EPC2: variants seen among roughly 807,000 people sequenced by gnomAD.
EPC2 encodes the protein enhancer of polycomb homolog 2.
EPC2 carries 14 observed loss-of-function variants against 92.1 expected under a neutral mutation model. The observed-to-expected ratio is 0.15, with a 90% confidence interval of 0.10 to 0.24. EPC2 has a LOEUF of 0.24. Ranked by LOEUF, EPC2 falls within the 10% of genes least tolerant of loss-of-function variation. The pLI is 1.00. For missense variants in EPC2, 755 were observed against 971.5 expected, an observed-to-expected ratio of 0.78 and a Z score of 2.96; for synonymous variants, 340 against 334.7, an observed-to-expected ratio of 1.02 and a Z score of -0.17.
chr2:148,773,617 AT>A (rs1462347263), intron 10 of EPC2, among the ~76,000 whole-genome samples: 1 of 152,070 alleles, frequency 6.6e-6, no homozygotes. Context: ...GGACCACAAG[AT>A]TTTTTGTTTT....
At chr2:148,733,417 A>G (rs1682684992) in intron 2 of EPC2, among the ~76,000 whole-genome samples, 1 of 139,126 alleles carries the variant, frequency 7.2e-6, no homozygotes, top group South Asian at 2.3e-4. Context: ...TCTATCACAT[A>G]TTCTTCTCCT....
intron 1 of EPC2, among the ~76,000 whole-genome samples, chr2:148,684,726 T>A (rs1681479404): frequency 6.6e-6 from 1 of 152,220 alleles, no homozygotes; most frequent in South Asian, 2.1e-4. Context: ...CCTACTTACA[T>A]ACCTGCGTGA....
chr2:148,682,069 G>A (rs1442513112), intron 1 of EPC2, among the ~76,000 whole-genome samples: 2 of 152,176 alleles, frequency 1.3e-5, no homozygotes, highest in Admixed American at 6.5e-5. Context: ...TTTTATGGCT[G>A]CGTAGTATTC....
chr2:148,773,822 A>G (rs922137493), intron 10 of EPC2, among the ~76,000 whole-genome samples: 1 of 152,128 alleles, frequency 6.6e-6, no homozygotes, highest in African/African-American at 2.4e-5. Context: ...ATGAATGTGG[A>G]TAGGAATTTC....
intron 2 of EPC2, among the ~76,000 whole-genome samples, chr2:148,708,471 G>A (rs1682057569): frequency 6.6e-6 from 1 of 152,096 alleles, no homozygotes; most frequent in African/African-American, 2.4e-5. Context: ...AGGAAAAGAG[G>A]GAATCCTCTC....
At chr2:148,716,477 A>T (rs1214816662) in intron 2 of EPC2, among the ~76,000 whole-genome samples, 1 of 152,166 alleles carries the variant, frequency 6.6e-6, no homozygotes, top group Non-Finnish European at 1.5e-5. Context: ...ATCTGTTGAG[A>T]TAATCATGTA....
chr2:148,720,465 G>C (rs1278367995), intron 2 of EPC2, among the ~76,000 whole-genome samples: 2 of 152,184 alleles, frequency 1.3e-5, no homozygotes, highest in South Asian at 2.1e-4. Flanking sequence ...CCCCTCTCGG[G>C]GGGTATATGT....
chr2:148,658,573 T>G (rs1031927817), intron 1 of EPC2, among the ~76,000 whole-genome samples: 1 of 148,580 alleles, frequency 6.7e-6, no homozygotes, highest in African/African-American at 2.5e-5. Flanking sequence ...AATAGGGAAT[T>G]TGCAAGTAAT....
At chr2:148,759,473 A>T (rs1430477959) in intron 4 of EPC2, among the ~76,000 whole-genome samples, 1 of 152,246 alleles carries the variant, frequency 6.6e-6, no homozygotes, top group African/African-American at 2.4e-5. Flanking sequence ...TGTAAAGGAC[A>T]TTAGTGGGAC....
chr2:148,649,647 G>A (rs1170638686), intron 1 of EPC2, among the ~76,000 whole-genome samples: 1 of 152,080 alleles, frequency 6.6e-6, no homozygotes, highest in African/African-American at 2.4e-5. Context: ...TACCATTTCT[G>A]TTTTATAGAG....
intron 1 of EPC2, among the ~76,000 whole-genome samples, chr2:148,672,152 A>G (rs1681167097): frequency 6.6e-6 from 1 of 152,154 alleles, no homozygotes; most frequent in Non-Finnish European, 1.5e-5. Flanking sequence ...CTTAAAAGTA[A>G]GTCTTATAAT....
chr2:148,732,381 C>CTTT (rs752780229), intron 2 of EPC2, among the ~76,000 whole-genome samples: 1,711 of 132,900 alleles, frequency 0.013, 37 homozygotes, highest in African/African-American at 0.035. Flanking sequence ...TTATTTTTGT[C>CTTT]TTTTTTTTTT....
intron 1 of EPC2, among the ~76,000 whole-genome samples, chr2:148,672,206 C>T (rs993087161): frequency 6.6e-6 from 1 of 152,018 alleles, no homozygotes; most frequent in Non-Finnish European, 1.5e-5. Flanking sequence ...CTTTATGTAT[C>T]TTTATGTCTT....
intron 1 of EPC2, among the ~76,000 whole-genome samples, chr2:148,664,561 G>T (rs927793464): frequency 1.3e-5 from 2 of 152,154 alleles, no homozygotes; most frequent in African/African-American, 4.8e-5. Flanking sequence ...TATTTCAAGT[G>T]TGCAATTTGT....
At chr2:148,682,624 C>T (rs1282857591) in intron 1 of EPC2, among the ~76,000 whole-genome samples, 5 of 152,098 alleles carry the variant, frequency 3.3e-5, no homozygotes, top group African/African-American at 7.2e-5. Context: ...TTTTGTGGTA[C>T]GTTGTTACTG....
chr2:148,664,322 A>T (rs1003870579), intron 1 of EPC2, among the ~76,000 whole-genome samples: 7 of 152,082 alleles, frequency 4.6e-5, no homozygotes, highest in African/African-American at 1.7e-4. Flanking sequence ...AACATGGCTA[A>T]ACCCTGTCTT....
At chr2:148,693,809 A>G (rs1047970402) in intron 2 of EPC2, among the ~76,000 whole-genome samples, 6 of 152,112 alleles carry the variant, frequency 3.9e-5, no homozygotes, top group East Asian at 1.9e-4. Context: ...TTAAAATACA[A>G]CTTGCCTCCA....
intron 2 of EPC2, among the ~76,000 whole-genome samples, chr2:148,718,556 A>G (rs1682303065): frequency 6.6e-6 from 1 of 152,150 alleles, no homozygotes; most frequent in Non-Finnish European, 1.5e-5. Context: ...AGAATGTTGA[A>G]TATTGACCCG....
At chr2:148,734,848 A>G (rs532529403) in intron 2 of EPC2, among the ~76,000 whole-genome samples, 42 of 149,792 alleles carry the variant, frequency 2.8e-4, no homozygotes, top group Non-Finnish European at 5.8e-4. Context: ...AGATTATCCA[A>G]GTTGTTGCAT....
Sources: allele counts gnomAD v4.1 joint callset (sites outside exome capture counted in the v4.1 genomes callset), GRCh38; gene constraint gnomAD v4.1.1; transcripts MANE v1.5; gene names NCBI Gene and HGNC (gene_info 2026-07-23, HGNC 2026-07-21).